PTGER3: variants seen among roughly 807,000 people sequenced by gnomAD.
The protein encoded by PTGER3 is prostaglandin E2 receptor EP3 subtype.
PTGER3 carries 22 observed loss-of-function variants against 34.7 expected under a neutral mutation model. The observed-to-expected ratio is 0.63, with a 90% CI of 0.45 to 0.91. PTGER3 has a LOEUF of 0.91. Among genes scored for constraint, PTGER3 ranks in the 40% least tolerant of loss-of-function variants. The probability of loss-of-function intolerance (pLI) is 0.00; values close to 1 mark genes in which losing one functional copy is unlikely to be tolerated. For missense variants in PTGER3, 468 were observed against 519.4 expected, an observed-to-expected ratio of 0.90 and a Z score of 0.96; for synonymous variants, 241 against 230.1, an observed-to-expected ratio of 1.05 and a Z score of -0.43.
intron 2 of PTGER3, among the ~76,000 whole-genome samples, chr1:71,001,940 C>A (rs973398481): frequency 6.6e-6 from 1 of 152,076 alleles, no homozygotes; most frequent in Non-Finnish European, 1.5e-5. Context: ...AACAAAGTAA[C>A]ACTAACCACT....
chr1:71,028,178 C>A (rs900100505), intron 1 of PTGER3, among the ~76,000 whole-genome samples: 9 of 152,034 alleles, frequency 5.9e-5, no homozygotes, highest in African/African-American at 2.2e-4. Flanking sequence ...AGGAATGTGC[C>A]GGGGTTAGGG....
chr1:70,854,542 C>T (rs1311827505), intron 4 of PTGER3, among the ~76,000 whole-genome samples: 2 of 152,128 alleles, frequency 1.3e-5, no homozygotes, highest in African/African-American at 4.8e-5. Context: ...AGATTTCCCC[C>T]TTGCTGTTAG....
At chr1:71,024,443 A>G (rs1213174118) in intron 1 of PTGER3, among the ~76,000 whole-genome samples, 1 of 152,064 alleles carries the variant, frequency 6.6e-6, no homozygotes, top group Non-Finnish European at 1.5e-5. Context: ...ATAATCGAAA[A>G]TTGTTACAAG....
chr1:70,944,457 A>G lies in PTGER3; in HGVS notation c.*23+9306T>C, dbSNP rs1301775887. ...AGAAGTCAGGGCAAAAGACAGAAAA[A>G]CCCAGATTCTTCACACATCATTTGA... On this transcript the variant is annotated intron_variant, in intron 4 of 4. Transcript: ENST00000370931. Among the ~76,000 whole-genome samples the G allele has an allele frequency of 2.0e-5, 3 of 152,036 alleles. No homozygotes were observed. In the East Asian group the frequency reaches 5.8e-4, roughly 29 times the overall value.
At chr1:71,045,263 T>C (rs1052440458) in intron 1 of PTGER3, among the ~76,000 whole-genome samples, 3 of 152,210 alleles carry the variant, frequency 2.0e-5, no homozygotes, top group Non-Finnish European at 4.4e-5. Context: ...TTTAAAAGTA[T>C]ACATGGCGCA....
chr1:71,005,828 T>C (rs939146124), intron 2 of PTGER3: 10 of 953,354 alleles, frequency 1.0e-5, no homozygotes, highest in Non-Finnish European at 1.2e-5. Context: ...ATGGTGGAAA[T>C]TTCGGGTGAG....
At chr1:70,857,530 CTTAT>C (rs148069112) in intron 4 of PTGER3, among the ~76,000 whole-genome samples, 4,183 of 151,250 alleles carry the variant, frequency 0.028, 267 homozygotes, top group East Asian at 0.2. Context: ...GGATTTCACT[CTTAT>C]TTATTTATTT....
chr1:70,917,000 TC>T (rs1298577270), intron 4 of PTGER3, among the ~76,000 whole-genome samples: 3 of 152,034 alleles, frequency 2.0e-5, no homozygotes, highest in African/African-American at 7.2e-5. Context: ...ACCTTACCCA[TC>T]ACTATAAACA....
At chr1:71,006,570 C>A in intron 2 of PTGER3, 2 of 982,232 alleles carry the variant, frequency 2.0e-6, no homozygotes. Flanking sequence ...TAAATGCACT[C>A]TGTGTTAAGA....
intron 4 of PTGER3, among the ~76,000 whole-genome samples, chr1:70,923,197 A>G (rs1480509574): frequency 8.2e-6 from 1 of 121,368 alleles, no homozygotes. Flanking sequence ...GCCAAATACA[A>G]AATGGTGCTT....
intron 4 of PTGER3, among the ~76,000 whole-genome samples, chr1:70,912,649 C>T (rs1396184974): frequency 1.3e-5 from 2 of 152,080 alleles, no homozygotes; most frequent in Non-Finnish European, 2.9e-5. Context: ...CCCTGTACTA[C>T]TTACACTCAG....
At chr1:70,947,683 G>A (rs2100569488), downstream of PTGER3, among the ~76,000 whole-genome samples, 1 of 152,216 alleles carries the variant, frequency 6.6e-6, no homozygotes, top group South Asian at 2.1e-4. Context: ...TCCCACTACT[G>A]TAGATTTGGG....
At chr1:70,884,885 G>T (rs901389114) in intron 4 of PTGER3, among the ~76,000 whole-genome samples, 3 of 152,154 alleles carry the variant, frequency 2.0e-5, no homozygotes, top group African/African-American at 7.2e-5. Flanking sequence ...TCTATGTAAA[G>T]GAACTCCATC....
intron 2 of PTGER3, among the ~76,000 whole-genome samples, chr1:70,962,633 A>G (rs1356489632): frequency 6.6e-6 from 1 of 152,146 alleles, no homozygotes; most frequent in Non-Finnish European, 1.5e-5. Context: ...TTATAAAACC[A>G]TCAGATCCCA....
At chr1:71,015,945 T>C (rs1468979746) in intron 1 of PTGER3, among the ~76,000 whole-genome samples, 1 of 152,184 alleles carries the variant, frequency 6.6e-6, no homozygotes, top group African/African-American at 2.4e-5. Context: ...TCATATTTTG[T>C]TTTTTGAGAC....
chr1:70,902,313 G>A (rs555435302), intron 4 of PTGER3, among the ~76,000 whole-genome samples: 3 of 152,170 alleles, frequency 2.0e-5, no homozygotes, highest in East Asian at 1.9e-4. Flanking sequence ...GAGGGAGGAG[G>A]TTGTCAGGTG....
At chr1:70,992,524 T>C (rs1310663343) in intron 2 of PTGER3, among the ~76,000 whole-genome samples, 2 of 152,224 alleles carry the variant, frequency 1.3e-5, no homozygotes, top group African/African-American at 4.8e-5. Context: ...GTTGAACCAG[T>C]TGAACTCCTT....
At chr1:70,933,819 T>A (rs925009410) in intron 4 of PTGER3, among the ~76,000 whole-genome samples, 1 of 152,020 alleles carries the variant, frequency 6.6e-6, no homozygotes, top group Non-Finnish European at 1.5e-5. Context: ...GTAATGGAAG[T>A]TTTTTTTAAC....
chr1:70,985,726 TG>T (rs1244326676), intron 2 of PTGER3, among the ~76,000 whole-genome samples: 1 of 152,226 alleles, frequency 6.6e-6, no homozygotes, highest in Admixed American at 6.5e-5. Context: ...CTTCTTCCCC[TG>T]GACCCTTCCT....
Sources: gnomAD v4.1 joint callset for allele counts (sites outside exome capture counted in the v4.1 genomes callset) on GRCh38, gnomAD v4.1.1 for gene constraint, MANE v1.5 for transcripts, NCBI Gene and HGNC (gene_info 2026-07-23, HGNC 2026-07-21) for gene names.